RTTN: variants seen among roughly 807,000 people sequenced by gnomAD.
RTTN encodes rotatin.
RTTN carries 182 observed loss-of-function variants against 269.2 expected under a neutral mutation model. The ratio of observed to expected loss-of-function variants is 0.68; its 90% confidence interval spans 0.60 to 0.76. RTTN has a LOEUF of 0.76. Among genes scored for constraint, RTTN ranks in the 30% least tolerant of loss-of-function variants. The pLI, the probability that RTTN is intolerant of heterozygous loss-of-function variation, is 0.00. For synonymous variants in RTTN, 1,006 were observed against 963.5 expected, an observed-to-expected ratio of 1.04 and a Z score of -0.82; for missense variants, 2,545 against 2,608.6, an observed-to-expected ratio of 0.98 and a Z score of 0.53.
chr18:70,169,206 A>C (rs948382399), intron 11 of RTTN, 139 bp from the exon 12 acceptor site: 11 of 581,024 alleles, frequency 1.9e-5, no homozygotes, highest in Non-Finnish European at 2.6e-5. Context: ...AACTTTTTCC[A>C]AAGAAAATCC....
At chr18:70,092,974 G>A (rs560118221) in intron 28 of RTTN, among the ~76,000 whole-genome samples, 170 bp from the exon 29 acceptor site, 1 of 151,850 alleles carries the variant, frequency 6.6e-6, no homozygotes, top group African/African-American at 2.4e-5. Context: ...TTATGTTATG[G>A]GTATTTTACC....
At chr18:70,051,178 A>G (rs935576875) in intron 39 of RTTN, among the ~76,000 whole-genome samples, 1 of 152,218 alleles carries the variant, frequency 6.6e-6, no homozygotes, top group African/African-American at 2.4e-5. Context: ...ATAAAACCAC[A>G]GGCTTTCCTA....
At position 70,004,115 on chromosome 18, in the gene RTTN, T is replaced by C. The variant is rs1287020436; in HGVS notation, c.*36A>G. On this transcript the variant is annotated 3_prime_UTR_variant, in exon 49 of 49. Coordinates refer to ENST00000640769, the MANE Select transcript of RTTN (RefSeq NM_173630.4). ...GCTTCAACTTTAGCTCCCCTGTTGA[T>C]GACTGTCAGCTTCAAGGTGTAGCAT... 2 of 1,534,726 alleles carry C rather than the reference T, an allele frequency of 1.3e-6. No homozygotes were observed. The highest frequency in any genetic ancestry group is 2.3e-5 in the East Asian group (1 of 44,428).
chr18:70,024,738 A>T lies in RTTN; in HGVS notation c.5934T>A (p.Thr1978=). ...QISLQLLCVY[T]ANFPNGCSSL... is the part of the protein sequence containing the mutation. Reference sequence around the variant, plus strand: ...TCCTATTACCATTTGGAAAATTTGCAGTATAGACACAAAGGAGCTGCAGAG... The same window carrying T: ...TCCTATTACCATTTGGAAAATTTGCTGTATAGACACAAAGGAGCTGCAGAG... Residue 1978 remains threonine, a synonymous_variant, in exon 44 of 49, where the codon ACT becomes ACA. Transcript: ENST00000640769. 6.2e-7 allele frequency: 1 copy of T among 1,613,670 alleles called. No individual in the cohort carries two copies. The highest frequency in any genetic ancestry group is 1.1e-5 in the South Asian group (1 of 91,032).
chr18:70,197,626 G>C lies in RTTN; in HGVS notation c.691C>G (p.Gln231Glu). 1 of 1,600,222 alleles carries C rather than the reference G, an allele frequency of 6.2e-7. No homozygotes were observed. The highest frequency in any genetic ancestry group is 8.6e-7 in the Non-Finnish European group (1 of 1,167,404). Residue 231 changes from glutamine (Q) to glutamate (E), a missense_variant and splice_region_variant, in exon 6 of 49, where the codon CAG becomes GAG. By Grantham distance (29) the Gln-to-Glu change is conservative. Transcript: ENST00000640769. ...AAACAATTATAGAGGGCACTGACCT[G>C]AACAATTTTTGGCCTTTGAAGGAAA... The part of the protein sequence containing the change: ...EIFLQRPKIV[Q>E]SLLSLLKLAF...
chr18:70,084,486 T>C (rs918981557), intron 32 of RTTN, among the ~76,000 whole-genome samples: 8 of 152,134 alleles, frequency 5.3e-5, no homozygotes, highest in Non-Finnish European at 1.2e-4. Context: ...GAGACAACCA[T>C]CTTGTTTCCT....
chr18:70,077,335 G>C (rs1256720958), intron 32 of RTTN, among the ~76,000 whole-genome samples: 3 of 151,756 alleles, frequency 2.0e-5, no homozygotes. Flanking sequence ...AATGAAAATA[G>C]AGAAGAGAAT....
intron 28 of RTTN, among the ~76,000 whole-genome samples, chr18:70,095,158 T>A (rs1055544106): frequency 2.0e-5 from 3 of 149,726 alleles, no homozygotes; most frequent in African/African-American, 7.3e-5. Flanking sequence ...GCTTGGTAAA[T>A]CATCCTCCAT....
intron 44 of RTTN, among the ~76,000 whole-genome samples, 198 bp downstream of exon 44, chr18:70,024,524 T>G (rs905901011): frequency 7.9e-5 from 12 of 152,192 alleles, no homozygotes; most frequent in African/African-American, 2.7e-4. Context: ...TGCCAATGAC[T>G]CTCTCATGTC....
intron 10 of RTTN, among the ~76,000 whole-genome samples, chr18:70,186,799 A>T (rs1298992726): frequency 6.6e-6 from 1 of 152,206 alleles, no homozygotes; most frequent in Non-Finnish European, 1.5e-5. Context: ...ATTCTCACTT[A>T]TAAGTGGGAG....
At chr18:70,076,051 GA>G (rs1415698768) in intron 32 of RTTN, among the ~76,000 whole-genome samples, 1 of 151,156 alleles carries the variant, frequency 6.6e-6, no homozygotes, top group Non-Finnish European at 1.5e-5. Flanking sequence ...TCCTGACAAG[GA>G]AAAAAAACAC....
intron 28 of RTTN, among the ~76,000 whole-genome samples, chr18:70,101,595 T>TA (rs2059168991): frequency 6.6e-6 from 1 of 152,196 alleles, no homozygotes; most frequent in African/African-American, 2.4e-5. Context: ...GCTCTGTTCT[T>TA]AGTTATTTCT....
chr18:70,190,478 C>T (rs2061644518), intron 9 of RTTN, 60 bp downstream of exon 9: 19 of 1,342,532 alleles, frequency 1.4e-5, no homozygotes, highest in Non-Finnish European at 1.9e-5. Flanking sequence ...AAGGAAAATC[C>T]TAACGAAATA....
intron 36 of RTTN, among the ~76,000 whole-genome samples, chr18:70,059,518 A>G (rs1011005071): frequency 1.3e-5 from 2 of 152,222 alleles, no homozygotes; most frequent in Non-Finnish European, 2.9e-5. Context: ...GAATTCCCAA[A>G]GTCCCTCACA....
At chr18:70,155,084 A>G (rs1167531308) in intron 14 of RTTN, among the ~76,000 whole-genome samples, 1 of 152,192 alleles carries the variant, frequency 6.6e-6, no homozygotes, top group Admixed American at 6.5e-5. Flanking sequence ...ACCGCCTTCA[A>G]CTTTCAAAGG....
chr18:70,005,219 C>T lies in RTTN; in HGVS notation c.6574G>A (p.Ala2192Thr), dbSNP rs2145425921. The T allele has an allele frequency of 1.2e-6, 2 of 1,612,312 alleles. No homozygotes were observed. The highest frequency in any genetic ancestry group is 1.7e-6 in the Non-Finnish European group (2 of 1,179,006). Residue 2192 changes from alanine (A) to threonine (T), a missense_variant, in exon 48 of 49, where the codon GCA (alanine) becomes ACA (threonine). Coordinates refer to ENST00000640769, the MANE Select transcript of RTTN (RefSeq NM_173630.4). The stretch of plus-strand genomic sequence containing the variant: ...TTACTTTTCTTTGCTAAGGAGTATG[C>T]TTCATCCACTCTTCTTTTTACTGAT... ...SPSVKRRVDEAYSLAKKTFPN... is the reference protein window; with the variant it reads ...SPSVKRRVDETYSLAKKTFPN...
At chr18:70,110,777 C>T (rs1352346346) in intron 27 of RTTN, among the ~76,000 whole-genome samples, 1 of 152,242 alleles carries the variant, frequency 6.6e-6, no homozygotes, top group African/African-American at 2.4e-5. Context: ...GCAGGTCCCA[C>T]TCCCACGGAG....
chr18:70,192,792 T>C (rs112601535), intron 8 of RTTN, among the ~76,000 whole-genome samples: 7 of 152,272 alleles, frequency 4.6e-5, no homozygotes, highest in African/African-American at 1.7e-4. Context: ...CAGTAAACAC[T>C]TATCCATTTG....
chr18:70,007,575 G>A (rs115813938), intron 46 of RTTN: 3,433 of 152,348 alleles, frequency 0.023, 47 homozygotes, highest in South Asian at 0.039. Flanking sequence ...GGTGGGGAGA[G>A]GGGTGTCCAC....
Sources: gnomAD v4.1 joint callset for allele counts (sites outside exome capture counted in the v4.1 genomes callset) on GRCh38, gnomAD v4.1.1 for gene constraint, MANE v1.5 for transcripts, NCBI Gene and HGNC (gene_info 2026-07-23, HGNC 2026-07-21) for gene names.